PTPRT: variants seen among roughly 807,000 people sequenced by gnomAD.
The protein encoded by PTPRT is protein tyrosine phosphatase receptor type T, also known as receptor-type tyrosine-protein phosphatase T.
Under a neutral mutation model 176.8 loss-of-function variants are expected in PTPRT, and 56 were observed. The observed-to-expected ratio is 0.32, with a 90% CI of 0.26 to 0.40. PTPRT has a LOEUF of 0.40. PTPRT is among the 10% of genes least tolerant of loss of function. PTPRT has a pLI of 1.00. For missense variants in PTPRT, 1,540 were observed against 1,908.2 expected, an observed-to-expected ratio of 0.81 and a Z score of 3.60; for synonymous variants, 783 against 739.0, an observed-to-expected ratio of 1.06 and a Z score of -0.96.
chr20:42,486,469 T>G (rs1395686800), intron 7 of PTPRT, among the ~76,000 whole-genome samples: 1 of 152,230 alleles, frequency 6.6e-6, no homozygotes, highest in African/African-American at 2.4e-5. Flanking sequence ...ATTTATGAAC[T>G]GTGTGACATT....
intron 7 of PTPRT, among the ~76,000 whole-genome samples, chr20:42,562,213 G>C (rs530073846): frequency 6.6e-6 from 1 of 152,248 alleles, no homozygotes; most frequent in African/African-American, 2.4e-5. Context: ...ACCCAATATA[G>C]AGAATACATT....
intron 1 of PTPRT, among the ~76,000 whole-genome samples, chr20:43,152,330 T>C (rs1339138014): frequency 2.0e-5 from 3 of 152,222 alleles, no homozygotes; most frequent in Non-Finnish European, 4.4e-5. Context: ...TTTTCTCAAA[T>C]GGGCTTGTAT....
intron 13 of PTPRT, among the ~76,000 whole-genome samples, chr20:42,252,583 G>A (rs1448955874): frequency 2.0e-5 from 3 of 152,158 alleles, no homozygotes; most frequent in Admixed American, 6.5e-5. Flanking sequence ...AAAAAGGAGG[G>A]CATGATCAAC....
intron 17 of PTPRT, among the ~76,000 whole-genome samples, chr20:42,157,002 G>A (rs903290326): frequency 5.9e-5 from 9 of 152,256 alleles, no homozygotes; most frequent in Admixed American, 1.3e-4. Flanking sequence ...TCCTTATAAC[G>A]GCTTGTAATG....
At chr20:42,539,972 G>A (rs1255467061) in intron 7 of PTPRT, among the ~76,000 whole-genome samples, 1 of 152,046 alleles carries the variant, frequency 6.6e-6, no homozygotes, top group African/African-American at 2.4e-5. Flanking sequence ...AGAAAATGAA[G>A]GGAGAGAATA....
At position 42,678,165 on chromosome 20, in the gene PTPRT, A is replaced by G. The variant is rs375216381; in HGVS notation, c.860-6T>C. On this transcript the variant is annotated splice_region_variant and splice_polypyrimidine_tract_variant and intron_variant, in intron 6 of 30. Transcript: ENST00000373187. ...AGCAATGGGCGTGGGAGGCTCTGTA[A>G]GACAAGCAATCAAAAAGGACTGTCA... 3.1e-6 allele frequency: 5 copies of G among 1,610,134 alleles called. No homozygotes were observed. Among genetic ancestry groups the G allele is most frequent in the Non-Finnish European group, 4.2e-6 (5 of 1,177,362 alleles).
chr20:42,649,099 C>A (rs1000883008), intron 7 of PTPRT, among the ~76,000 whole-genome samples: 3 of 151,946 alleles, frequency 2.0e-5, no homozygotes, highest in Non-Finnish European at 4.4e-5. Context: ...GATTACAGGC[C>A]TGAGCCACTG....
chr20:42,624,005 CAACA>C (rs1555888302), intron 7 of PTPRT, among the ~76,000 whole-genome samples: 21 of 135,682 alleles, frequency 1.5e-4, no homozygotes, highest in Non-Finnish European at 2.2e-4. Flanking sequence ...AAAACAATAG[CAACA>C]AACAAACAAA....
intron 1 of PTPRT, among the ~76,000 whole-genome samples, chr20:43,078,472 T>C (rs545701712): frequency 6.0e-4 from 92 of 152,340 alleles, no homozygotes; most frequent in African/African-American, 2.2e-3. Flanking sequence ...CCCAGAAAAC[T>C]GTGTCCAGGA....
chr20:42,665,871 C>G (rs563221797), intron 7 of PTPRT, among the ~76,000 whole-genome samples: 2 of 145,928 alleles, frequency 1.4e-5, no homozygotes, highest in Admixed American at 7.3e-5. Context: ...CATGTTCTCA[C>G]TCATAGGTGG....
In PTPRT at chr20:42,439,338, G is replaced by T. The variant is rs1323675078; in HGVS notation, c.1560+8882C>A. Among the ~76,000 whole-genome samples, 4 of 152,304 alleles carry T rather than the reference G, an allele frequency of 2.6e-5. No individual in the cohort carries two copies. In the South Asian group the frequency reaches 6.2e-4, roughly 24 times the overall value. Reference sequence around the variant, plus strand: ...CTATTCAGGAGAGGGAAAAAGATTTGCAAGGGAAGGTCTGTGGTGGGCTCT... The same window carrying T: ...CTATTCAGGAGAGGGAAAAAGATTTTCAAGGGAAGGTCTGTGGTGGGCTCT... On this transcript the variant is annotated intron_variant, in intron 9 of 30. Coordinates refer to ENST00000373187, the MANE Select transcript of PTPRT (RefSeq NM_007050.6).
rs140180803 is a variant in PTPRT at position 43,170,603 on chromosome 20, T to G, written c.88+19043A>C. Among the ~76,000 whole-genome samples, 1,032 of 152,310 alleles carry G rather than the reference T, an allele frequency of 6.8e-3. 26 individuals are homozygous for G. The highest frequency in any genetic ancestry group is 0.05 in the Admixed American group (758 of 15,298). ...ACAATTCTCCAAAAGGTAATAATATTATAACCACCACTGCTACTATCCCTC... is the reference window on the plus strand; with the variant it reads ...ACAATTCTCCAAAAGGTAATAATATGATAACCACCACTGCTACTATCCCTC... On this transcript the variant is annotated intron_variant, in intron 1 of 30. Transcript: ENST00000373187.
chr20:42,524,699 C>CTTTG (rs1350187090), intron 7 of PTPRT, among the ~76,000 whole-genome samples: 2 of 152,180 alleles, frequency 1.3e-5, no homozygotes, highest in Non-Finnish European at 2.9e-5. Flanking sequence ...GGTCATCTCA[C>CTTTG]TTTGAATATT....
At chr20:42,324,274 C>T (rs6102774) in intron 11 of PTPRT, among the ~76,000 whole-genome samples, 52,326 of 151,980 alleles carry the variant, frequency 0.34, 10,297 homozygotes, top group African/African-American at 0.55. Context: ...TAGAAGACTA[C>T]ATATTGTATG....
chr20:42,451,735 A>G (rs1203515926), intron 8 of PTPRT, among the ~76,000 whole-genome samples: 4 of 152,132 alleles, frequency 2.6e-5, no homozygotes, highest in Admixed American at 1.3e-4. Flanking sequence ...AAACTTGCCC[A>G]TTGAACCTAC....
intron 13 of PTPRT, among the ~76,000 whole-genome samples, chr20:42,266,303 CA>C (rs2056837826): frequency 6.6e-6 from 1 of 152,034 alleles, no homozygotes; most frequent in Non-Finnish European, 1.5e-5. Flanking sequence ...GGGGCATGGC[CA>C]AGACAATGAA....
At chr20:42,952,487 C>T (rs1981313805) in intron 1 of PTPRT, among the ~76,000 whole-genome samples, 1 of 152,322 alleles carries the variant, frequency 6.6e-6, no homozygotes, top group Non-Finnish European at 1.5e-5. Flanking sequence ...CTCAATTCTG[C>T]CACTTACTAG....
intron 1 of PTPRT, among the ~76,000 whole-genome samples, chr20:42,896,075 T>C (rs1457868178): frequency 2.0e-5 from 3 of 151,822 alleles, no homozygotes; most frequent in African/African-American, 7.3e-5. Context: ...ACTAGCTCTT[T>C]AGATTTAATT....
At chr20:42,174,312 TG>T (rs1471102862) in intron 16 of PTPRT, among the ~76,000 whole-genome samples, 1 of 151,920 alleles carries the variant, frequency 6.6e-6, no homozygotes, top group Non-Finnish European at 1.5e-5. Flanking sequence ...GTGATAAGGG[TG>T]TGGCATTTGA....
Sources: allele counts gnomAD v4.1 joint callset (sites outside exome capture counted in the v4.1 genomes callset), GRCh38; gene constraint gnomAD v4.1.1; transcripts MANE v1.5; gene names NCBI Gene and HGNC (gene_info 2026-07-23, HGNC 2026-07-21).